Variants in TAF6 observed in about 807,000 individuals in gnomAD.
The protein encoded by TAF6 is TATA-box binding protein associated factor 6, also known as transcription initiation factor TFIID subunit 6.
A neutral mutation model predicts 73.5 loss-of-function variants in TAF6; 50 were observed. That is an observed-to-expected ratio of 0.68 (90% CI 0.54 to 0.86). The LOEUF (loss-of-function observed/expected upper bound fraction) is 0.86, where lower values mean the gene tolerates loss of function less well. TAF6 is among the 40% of genes least tolerant of loss of function. TAF6 has a pLI of 0.00. For synonymous variants in TAF6, 424 were observed against 376.7 expected, an observed-to-expected ratio of 1.13 and a Z score of -1.45; for missense variants, 768 against 899.5, an observed-to-expected ratio of 0.85 and a Z score of 1.87.
chr7:100,118,769 G>C lies in TAF6; in HGVS notation c.-60+435C>G, dbSNP rs1009494417. On this transcript the variant is annotated intron_variant, in intron 1 of 14. Coordinates refer to ENST00000453269, the MANE Select transcript of TAF6 (RefSeq NM_139315.3). Reference sequence around the variant, plus strand: ...AGGTAGGGTGGGGCCGTGCTGGAAGGATGGGAAGAGGGAGGCCGAAAAACA... The same window carrying C: ...AGGTAGGGTGGGGCCGTGCTGGAAGCATGGGAAGAGGGAGGCCGAAAAACA... 6 of 770,296 alleles carry C rather than the reference G, an allele frequency of 7.8e-6. No homozygotes were observed. In the African/African-American group the frequency reaches 1.1e-4, roughly 15 times the overall value. 47.7% of individuals were successfully genotyped at this position (770,296 alleles called of 1,614,324 possible). A position where few individuals can be genotyped will look rare whatever the true frequency, so the allele number is the denominator to read the frequency against.
chr7:100,124,712 T>C, upstream of TAF6: 1 of 1,613,702 alleles, frequency 6.2e-7, no homozygotes, highest in South Asian at 1.1e-5. Flanking sequence ...TTGTTTTCTG[T>C]CATCCGATCT....
chr7:100,122,292 A>C, upstream of TAF6: 1 of 1,612,042 alleles, frequency 6.2e-7, no homozygotes, highest in Non-Finnish European at 8.5e-7. Context: ...CTACAGGCGG[A>C]ACTGAGTCGC....
chr7:100,109,932 CA>C lies in TAF6; in HGVS notation c.1284+15del, dbSNP rs1797008350. 2 of 1,613,520 alleles carry C rather than the reference CA, an allele frequency of 1.2e-6. No individual in the cohort carries two copies. The highest frequency in any genetic ancestry group is 1.3e-5 in the African/African-American group (1 of 75,006). ...GTGTCTCAGTGGGCAGGTGTGGGGA[CA>C]GGGGCTTCAGTCACCAGCAGGAGGC... On this transcript the variant is annotated intron_variant, in intron 12 of 14. Transcript: ENST00000453269.
Position 100,113,122 on chromosome 7 carries a change from C to T in TAF6, c.455-205G>A, listed in dbSNP as rs144977632. On this transcript the variant is annotated intron_variant, in intron 5 of 14. Coordinates refer to ENST00000453269, the MANE Select transcript of TAF6 (RefSeq NM_139315.3). ...TCTACTAAAATTACAAAAAATTAGC[C>T]GGGCGTGGTGGTGTGTGCTTGTAGT... Among the ~76,000 whole-genome samples the T allele has an allele frequency of 7.5e-3, 1,144 of 152,126 alleles. 19 individuals carry two copies. Among genetic ancestry groups the T allele is most frequent in the Non-Finnish European group, 7.0e-3 (476 of 67,970 alleles).
upstream of TAF6, chr7:100,120,122 A>G (rs966193264): frequency 3.6e-5 from 14 of 390,308 alleles, no homozygotes; most frequent in South Asian, 3.7e-5. Flanking sequence ...ATTGTAGTTC[A>G]GGGACCATCG....
chr7:100,119,760 T>C (rs1797969376), upstream of TAF6: 3 of 1,614,102 alleles, frequency 1.9e-6, no homozygotes, highest in Non-Finnish European at 2.5e-6. Flanking sequence ...ACCTGTGCGG[T>C]TGGGAATATT....
At chr7:100,112,076 T>TCAGGGC in intron 7 of TAF6, 32 bp downstream of exon 7, 1 of 1,613,624 alleles carries the variant, frequency 6.2e-7, no homozygotes, top group Non-Finnish European at 8.5e-7. Flanking sequence ...AGGAGGCGTC[T>TCAGGGC]CAGGGCCAGG....
chr7:100,110,385 G>A (rs1797059857), intron 10 of TAF6, 111 bp from the exon 11 acceptor site: 2 of 1,225,786 alleles, frequency 1.6e-6, no homozygotes, highest in Admixed American at 1.8e-5. Flanking sequence ...ATTACAATGA[G>A]GCCAGACGTG....
rs186672962 is a variant in TAF6 at position 100,114,240 on chromosome 7, A to G, written c.-31T>C. On this transcript the variant is annotated 5_prime_UTR_variant, in exon 2 of 15. Transcript: ENST00000453269. ...AGTCCCTCTTCTCCTCCCTGGAAGG[A>G]TGAAGCCCCCGGTGGAGAGACGGAG... 361 of 1,613,672 alleles carry G rather than the reference A, an allele frequency of 2.2e-4. No homozygotes were observed. The African/African-American group carries it at 3.9e-3, about 18-fold the overall frequency.
chr7:100,108,596 G>C lies in TAF6; in HGVS notation c.1285-56C>G. 3 of 1,541,950 alleles carry C rather than the reference G, an allele frequency of 1.9e-6. No individual in the cohort carries two copies. The Admixed American group carries it at 5.6e-5, about 29-fold the overall frequency. On this transcript the variant is annotated intron_variant, in intron 12 of 14. Coordinates refer to ENST00000453269, the MANE Select transcript of TAF6 (RefSeq NM_139315.3). ...GAGGGCTGGGGAAAAAAGCCAGGTA[G>C]AGGGAGGGCTGGTGACACTCTTGAG...
chr7:100,123,974 C>G (rs963015774), upstream of TAF6, among the ~76,000 whole-genome samples: 6 of 151,966 alleles, frequency 3.9e-5, no homozygotes, highest in Admixed American at 1.3e-4. Context: ...ACTAAAAATA[C>G]AAGAATTAGC....
chr7:100,124,276 A>G (rs1310131427), upstream of TAF6, among the ~76,000 whole-genome samples: 1 of 151,452 alleles, frequency 6.6e-6, no homozygotes, highest in Non-Finnish European at 1.5e-5. Context: ...GGTAGGTGCA[A>G]TTACCATACA....
rs1236375940 is a variant in TAF6, at chr7:100,108,027, T to C, written c.1555A>G (p.Thr519Ala). The change falls in exon 14 of 15, where the codon ACA becomes GCA. Residue 519 changes from threonine to alanine, a missense_variant. Thr to Ala is a moderately conservative substitution (Grantham distance 58, BLOSUM62 0). Around this residue, in one of 5 missense-constraint regions of TAF6, gnomAD observed 350 missense variants for 352.3 expected, o/e 0.99. Coordinates refer to ENST00000453269, the MANE Select transcript of TAF6 (RefSeq NM_139315.3). ...VPGSIALPVQTLVSARAAAPP... is the reference protein window; with the variant it reads ...VPGSIALPVQALVSARAAAPP... The stretch of plus-strand genomic sequence containing the variant: ...GCAGCCGCTCGTGCAGACACCAGTG[T>C]CTGGACAGGAAGTGCGATGGAGCCA... The C allele has an allele frequency of 6.2e-7, 1 of 1,613,796 alleles. No individual in the cohort carries two copies. The highest frequency in any genetic ancestry group is 8.5e-7 in the Non-Finnish European group (1 of 1,179,956).
At chr7:100,119,791 T>C, upstream of TAF6, 2 of 1,614,154 alleles carry the variant, frequency 1.2e-6, no homozygotes, top group Non-Finnish European at 1.7e-6. Context: ...TTTTTGGCCG[T>C]GCACGAGGCT....
chr7:100,113,174 A>T (rs1309678662), intron 5 of TAF6, among the ~76,000 whole-genome samples, 175 bp downstream of exon 5: 1 of 152,050 alleles, frequency 6.6e-6, no homozygotes, highest in Non-Finnish European at 1.5e-5. Context: ...GCTGAGACAC[A>T]AGAATCGCGT....
chr7:100,112,225 C>T lies in TAF6; in HGVS notation c.603G>A (p.Leu201=). The part of the protein sequence containing the change: ...KGKEKKAPPL[L]EGAPLRLKPR... ...GCTTCAGTCGCAAGGGGGCCCCCTC[C>T]AGCAAGGGCGGCGCCTTCTTCTCTT... is the stretch of plus-strand genomic sequence containing the variant. The change falls in exon 7 of 15, where the codon CTG becomes CTA. Residue 201 remains leucine (L), a synonymous_variant. Transcript: ENST00000453269. The T allele has an allele frequency of 6.2e-7, 1 of 1,614,102 alleles. No homozygotes were observed. The highest frequency in any genetic ancestry group is 8.5e-7 in the Non-Finnish European group (1 of 1,179,996).
chr7:100,109,302 G>A (rs1796930090), intron 12 of TAF6, among the ~76,000 whole-genome samples: 1 of 150,774 alleles, frequency 6.6e-6, no homozygotes, highest in South Asian at 2.1e-4. Flanking sequence ...TCCAGCCTGG[G>A]TTACAGAGTG....
upstream of TAF6, among the ~76,000 whole-genome samples, chr7:100,123,308 C>G (rs1336845530): frequency 1.3e-5 from 2 of 151,436 alleles, no homozygotes; most frequent in East Asian, 3.9e-4. Flanking sequence ...CACCATTGCA[C>G]TCCAGCCAGG....
At chr7:100,119,733 C>T, upstream of TAF6, 1 of 1,614,120 alleles carries the variant, frequency 6.2e-7, no homozygotes, top group East Asian at 2.2e-5. Flanking sequence ...TGTTTGTAGA[C>T]GGCGCTTTGT....
Sources: allele counts gnomAD v4.1 joint callset (sites outside exome capture counted in the v4.1 genomes callset), GRCh38; gene constraint gnomAD v4.1.1; regional missense constraint gnomAD v4.1.1; transcripts MANE v1.5; gene names NCBI Gene and HGNC (gene_info 2026-07-23, HGNC 2026-07-21).